ABCC4: variants seen among roughly 807,000 people sequenced by gnomAD.
ABCC4 encodes ATP binding cassette subfamily C member 4 (PEL blood group).
ABCC4 carries 102 observed loss-of-function variants against 168.5 expected under a neutral mutation model. That is an observed-to-expected ratio of 0.61 (90% CI 0.52 to 0.71). The LOEUF (loss-of-function observed/expected upper bound fraction) is 0.71. Ranked by LOEUF, ABCC4 falls within the 30% of genes least tolerant of loss-of-function variation. The probability of loss-of-function intolerance (pLI) is 0.00; values close to 1 mark genes in which losing one functional copy is unlikely to be tolerated. For missense variants in ABCC4, 1,402 were observed against 1,605.8 expected (o/e 0.87, Z 2.17); for synonymous variants, 617 against 590.7 (o/e 1.04, Z -0.65).
chr13:95,071,512 G>T, intron 25 of ABCC4, 150 bp downstream of exon 25: 3 of 630,950 alleles, frequency 4.8e-6, no homozygotes, highest in Non-Finnish European at 7.1e-6. Flanking sequence ...ACAGCAGGAA[G>T]AATGTTGGTA....
At chr13:95,202,643 A>G (rs1242387433) in intron 8 of ABCC4, among the ~76,000 whole-genome samples, 1 of 84,718 alleles carries the variant, frequency 1.2e-5, no homozygotes, top group Non-Finnish European at 2.6e-5. Flanking sequence ...AAGAATGTGC[A>G]CTTTTTTTTT....
chr13:95,220,613 C>G (rs2039287172), intron 4 of ABCC4, among the ~76,000 whole-genome samples: 1 of 152,092 alleles, frequency 6.6e-6, no homozygotes, highest in Non-Finnish European at 1.5e-5. Context: ...ACCAAACATA[C>G]CAAATGCAGT....
chr13:95,093,494 C>G (rs1041362235), intron 20 of ABCC4, among the ~76,000 whole-genome samples: 1 of 151,970 alleles, frequency 6.6e-6, no homozygotes, highest in Non-Finnish European at 1.5e-5. Context: ...ATCCAGCATC[C>G]CTTTAAGATT....
chr13:95,265,027 C>A (rs977712239), intron 1 of ABCC4, among the ~76,000 whole-genome samples: 6 of 151,954 alleles, frequency 3.9e-5, no homozygotes, highest in Admixed American at 2.0e-4. Flanking sequence ...CACCACCACA[C>A]CTGACTAATT....
chr13:95,160,869 A>G (rs1391496513), intron 19 of ABCC4, among the ~76,000 whole-genome samples: 1 of 152,230 alleles, frequency 6.6e-6, no homozygotes, highest in Non-Finnish European at 1.5e-5. Flanking sequence ...ACATTTAAAC[A>G]TGTTTACAGG....
intron 25 of ABCC4, among the ~76,000 whole-genome samples, chr13:95,070,874 G>A (rs924308961): frequency 5.3e-5 from 8 of 152,156 alleles, no homozygotes; most frequent in Admixed American, 5.2e-4. Flanking sequence ...ACAGGTTAAA[G>A]GAAGGCAAGA....
chr13:95,211,029 C>T (rs1004704141), intron 4 of ABCC4, among the ~76,000 whole-genome samples: 1 of 151,950 alleles, frequency 6.6e-6, no homozygotes, highest in African/African-American at 2.4e-5. Flanking sequence ...TTTGGACACG[C>T]CCCCAAGTAC....
At chr13:95,193,511 T>A (rs1468497836) in intron 9 of ABCC4, among the ~76,000 whole-genome samples, 1 of 152,222 alleles carries the variant, frequency 6.6e-6, no homozygotes, top group East Asian at 1.9e-4. Flanking sequence ...CTGCTTTCCC[T>A]TTGTGCTCTT....
At chr13:95,284,150 G>C (rs1417145309) in intron 1 of ABCC4, among the ~76,000 whole-genome samples, 1 of 152,040 alleles carries the variant, frequency 6.6e-6, no homozygotes, top group Non-Finnish European at 1.5e-5. Flanking sequence ...CAGGTTTTTT[G>C]TTTTTTGTTT....
chr13:95,022,587 AT>A (rs1281682001), intron 30 of ABCC4, among the ~76,000 whole-genome samples: 14 of 152,010 alleles, frequency 9.2e-5, no homozygotes, highest in Non-Finnish European at 1.3e-4. Flanking sequence ...TTCAAATGTA[AT>A]TTTTTTTCCC....
chr13:95,078,283 GC>G (rs1361375125), intron 21 of ABCC4, among the ~76,000 whole-genome samples: 5 of 152,118 alleles, frequency 3.3e-5, no homozygotes, highest in African/African-American at 1.2e-4. Flanking sequence ...GTGGTGGCGG[GC>G]GCCTGTAGTC....
At chr13:95,126,801 T>C (rs1301866768) in intron 19 of ABCC4, among the ~76,000 whole-genome samples, 2 of 137,362 alleles carry the variant, frequency 1.5e-5, no homozygotes, top group Admixed American at 7.6e-5. Flanking sequence ...TATATTTATA[T>C]ATATTTAAGT....
At chr13:95,093,004 AC>A (rs1323761322) in intron 20 of ABCC4, among the ~76,000 whole-genome samples, 1 of 152,138 alleles carries the variant, frequency 6.6e-6, no homozygotes, top group African/African-American at 2.4e-5. Context: ...AGAATTAGAT[AC>A]CCTGAACAGA....
chr13:95,139,205 A>G (rs2036235937), intron 19 of ABCC4, among the ~76,000 whole-genome samples: 2 of 152,220 alleles, frequency 1.3e-5, no homozygotes, highest in African/African-American at 4.8e-5. Flanking sequence ...GAAAGTTTAG[A>G]AACTGGCATT....
rs116255176 is a variant in ABCC4, at chr13:95,067,416, G to A, written c.3210+4246C>T. On this transcript the variant is annotated intron_variant, in intron 25 of 30. Transcript: ENST00000645237. ...CACAAGAGGGGCTGGGGCAATCCAC[G>A]AGCTCCACTTCAAGTTGTCAAAGGA... Among the ~76,000 whole-genome samples the A allele has an allele frequency of 1.9e-3, 287 of 152,194 alleles. 1 individual carries two copies. The highest frequency in any genetic ancestry group is 6.6e-3 in the African/African-American group (274 of 41,536).
At chr13:95,250,493 T>A (rs1212152145) in intron 1 of ABCC4, among the ~76,000 whole-genome samples, 1 of 152,028 alleles carries the variant, frequency 6.6e-6, no homozygotes, top group Non-Finnish European at 1.5e-5. Flanking sequence ...ATGGGTAGAG[T>A]ACCTTGAGCA....
chr13:95,136,759 C>T (rs962734116), intron 19 of ABCC4, among the ~76,000 whole-genome samples: 3 of 152,184 alleles, frequency 2.0e-5, no homozygotes, highest in Admixed American at 6.5e-5. Context: ...TGGGGAAGGA[C>T]GGGGTGGAGA....
At chr13:95,035,230 A>G (rs2032070963) in intron 29 of ABCC4, among the ~76,000 whole-genome samples, 1 of 152,250 alleles carries the variant, frequency 6.6e-6, no homozygotes, top group South Asian at 2.1e-4. Flanking sequence ...ACTCTAAGCA[A>G]TGGAAAAGAA....
intron 13 of ABCC4, among the ~76,000 whole-genome samples, chr13:95,172,314 G>A (rs961362878): frequency 2.6e-5 from 4 of 152,196 alleles, no homozygotes; most frequent in Non-Finnish European, 5.9e-5. Flanking sequence ...AGCCACGGGG[G>A]CTCACGCCTA....
Sources: allele counts gnomAD v4.1 joint callset (sites outside exome capture counted in the v4.1 genomes callset), GRCh38; gene constraint gnomAD v4.1.1; transcripts MANE v1.5; gene names NCBI Gene and HGNC (gene_info 2026-07-23, HGNC 2026-07-21).